Variants in KANSL3 observed in about 807,000 individuals in gnomAD.
KANSL3 encodes NSL complex protein NSL3.
KANSL3 carries 16 observed loss-of-function variants against 89.2 expected under a neutral mutation model. The observed-to-expected ratio is 0.18, with a 90% CI of 0.12 to 0.27. KANSL3 has a LOEUF of 0.27. Among genes scored for constraint, KANSL3 ranks in the 10% least tolerant of loss-of-function variants. The probability of loss-of-function intolerance (pLI) is 1.00; values close to 1 mark genes in which losing one functional copy is unlikely to be tolerated. For synonymous variants in KANSL3, 385 were observed against 419.7 expected (o/e 0.92, Z 1.01); for missense variants, 879 against 1,110.6 (o/e 0.79, Z 2.96).
At chr2:96,586,726 A>G in the KANSL3 span, among the ~76,000 whole-genome samples, 2 of 152,310 alleles carry the variant, frequency 1.3e-5, no homozygotes, top group Admixed American at 1.3e-4. Context: ...GCCTGGCCTT[A>G]AGCAATCTTC....
At chr2:96,636,809 T>C (rs1003557788) in intron 2 of KANSL3, 112 bp downstream of exon 2, 2 of 902,328 alleles carry the variant, frequency 2.2e-6, no homozygotes, top group Non-Finnish European at 1.6e-6. Flanking sequence ...GAATTTAACA[T>C]CCAAATGCCT....
At chr2:96,609,101 C>A in intron 12 of KANSL3, 37 bp from the exon 13 acceptor site, 1 of 1,522,302 alleles carries the variant, frequency 6.6e-7, no homozygotes, top group Non-Finnish European at 8.9e-7. Context: ...CCTTTTAGTC[C>A]TCATCTGGAG....
chr2:96,632,330 G>A (rs535724197), intron 2 of KANSL3, among the ~76,000 whole-genome samples: 1 of 152,162 alleles, frequency 6.6e-6, no homozygotes, highest in South Asian at 2.1e-4. Context: ...AGCCAGGCAT[G>A]GTGGTATGCG....
At chr2:96,597,072 G>GT (rs1294854581) in intron 20 of KANSL3, among the ~76,000 whole-genome samples, 1 of 152,208 alleles carries the variant, frequency 6.6e-6, no homozygotes, top group African/African-American at 2.4e-5. Flanking sequence ...GAGAAGTCTA[G>GT]TTGGTGTTCA....
At chr2:96,599,638 A>T (rs1181733967) in intron 20 of KANSL3, 1 of 299,144 alleles carries the variant, frequency 3.3e-6, no homozygotes, top group African/African-American at 2.3e-5. Flanking sequence ...AGAAAGAAAA[A>T]AAAATATGAG....
chr2:96,631,223 AT>A, intron 3 of KANSL3, 88 bp downstream of exon 3: 1 of 944,302 alleles, frequency 1.1e-6, no homozygotes, highest in Non-Finnish European at 1.7e-6. Flanking sequence ...GTTGCTGCAA[AT>A]GAAATAAGGT....
the KANSL3 span, among the ~76,000 whole-genome samples, chr2:96,586,086 G>A: frequency 3.3e-5 from 5 of 152,012 alleles, no homozygotes; most frequent in South Asian, 2.1e-4. Flanking sequence ...TTAGCTGGGC[G>A]TGGTGGCGGG....
Position 96,594,560 on chromosome 2 carries a change from T to A in KANSL3, c.*1051A>T, listed in dbSNP as rs1312711932. The A allele has an allele frequency of 6.6e-6, 1 of 152,208 alleles. No homozygotes were observed. Among genetic ancestry groups the A allele is most frequent in the Non-Finnish European group, 1.5e-5 (1 of 68,056 alleles). The allele number at this position is 152,208 out of a possible 1,614,324, so 9.4% of individuals were successfully genotyped here. On this transcript the variant is annotated 3_prime_UTR_variant, in exon 21 of 21. Transcript: ENST00000431828. ...AAATAGAAACGAAAACACTGAAGCA[T>A]GGCCTTCATCGTCCTAATGCCACAA...
rs2070902430 is a variant in KANSL3, at chr2:96,619,801, G to C, written c.387-39C>G. On this transcript the variant is annotated intron_variant, in intron 3 of 20. Coordinates refer to ENST00000431828, the MANE Select transcript of KANSL3 (RefSeq NM_001115016.3). Reference sequence around the variant, plus strand: ...TCTGAGGAATTATAGTCAAACCCTGGGGACGCTCCCCATGTATGTACACCA... The same window carrying C: ...TCTGAGGAATTATAGTCAAACCCTGCGGACGCTCCCCATGTATGTACACCA... 2.0e-6 allele frequency: 3 copies of C among 1,464,456 alleles called. No homozygotes were observed. In the South Asian group the frequency reaches 3.7e-5, roughly 18 times the overall value. The allele number at this position is 1,464,456 out of a possible 1,614,324, so 90.7% of individuals were successfully genotyped here.
intron 9 of KANSL3, among the ~76,000 whole-genome samples, chr2:96,611,933 G>GTGTGTGTGTGTA (rs2069074134): frequency 6.6e-6 from 1 of 150,754 alleles, no homozygotes; most frequent in Non-Finnish European, 1.5e-5. Context: ...GTGTGTGTGT[G>GTGTGTGTGTGTA]TGTGTATGTG....
chr2:96,630,711 G>T (rs532257430), intron 3 of KANSL3, among the ~76,000 whole-genome samples: 3 of 152,246 alleles, frequency 2.0e-5, no homozygotes, highest in Admixed American at 1.3e-4. Context: ...ATGTAATTAG[G>T]TAAATGTTTA....
rs568834570 is a variant in KANSL3, at chr2:96,637,721, GAAAC to G, written c.-50-540_-50-537del. On this transcript the variant is annotated intron_variant, in intron 1 of 20. Coordinates refer to ENST00000431828, the MANE Select transcript of KANSL3 (RefSeq NM_001115016.3). ...CTTCTTCAAGCCTCTCGTATTGTGC[GAAAC>G]AAAAGTTCTGTTAAGTACTTCGTAA... 2.2e-3 allele frequency among the ~76,000 whole-genome samples: 335 copies of G among 152,310 alleles called. 3 individuals carry two copies. The highest frequency in any genetic ancestry group is 7.8e-3 in the African/African-American group (324 of 41,572).
intron 2 of KANSL3, chr2:96,634,038 A>G (rs1478853379): frequency 6.6e-6 from 1 of 152,152 alleles, no homozygotes; most frequent in African/African-American, 2.4e-5. Context: ...AATTCATACA[A>G]ACTTTCCCTT....
chr2:96,628,074 C>G (rs2072722780), intron 3 of KANSL3: 2 of 1,290,180 alleles, frequency 1.6e-6, no homozygotes, highest in Non-Finnish European at 2.0e-6. Context: ...GGGTGGTGGT[C>G]CACAAGGAGA....
At chr2:96,635,793 A>C (rs958404419) in intron 2 of KANSL3, among the ~76,000 whole-genome samples, 9 of 152,320 alleles carry the variant, frequency 5.9e-5, no homozygotes, top group Non-Finnish European at 1.3e-4. Context: ...GTTCGAGACC[A>C]GCCTGGCTAA....
At chr2:96,622,281 G>A (rs1341063830) in intron 3 of KANSL3, among the ~76,000 whole-genome samples, 2 of 152,160 alleles carry the variant, frequency 1.3e-5, no homozygotes, top group Non-Finnish European at 2.9e-5. Flanking sequence ...AATTAGCCAG[G>A]CATAGTGGCA....
Position 96,619,486 on chromosome 2 carries a change from C to T in KANSL3, c.536G>A (p.Arg179Gln), listed in dbSNP as rs746915485. Reference protein sequence around the residue: ...VAVDKCARRVRQALASVSWDT... With the variant: ...VAVDKCARRVQQALASVSWDT... ...CCAGCTCACACTTGCCAGAGCCTGCCGCACTCTCCTTGCACACTTGTCCAC... is the reference window on the plus strand; with the variant it reads ...CCAGCTCACACTTGCCAGAGCCTGCTGCACTCTCCTTGCACACTTGTCCAC... Residue 179 changes from arginine to glutamine, a missense_variant, in exon 5 of 21, where the codon CGG (arginine) becomes CAG (glutamine). Coordinates refer to ENST00000431828, the MANE Select transcript of KANSL3 (RefSeq NM_001115016.3). 4.3e-6 allele frequency: 7 copies of T among 1,613,932 alleles called. No individual in the cohort carries two copies. The highest frequency in any genetic ancestry group is 1.1e-5 in the South Asian group (1 of 91,086).
chr2:96,602,989 CAG>C, intron 17 of KANSL3, 127 bp from the exon 18 acceptor site: 2 of 765,208 alleles, frequency 2.6e-6, no homozygotes, highest in Non-Finnish European at 4.3e-6. Flanking sequence ...CACCCGTCCT[CAG>C]AGAGAAGGCA....
downstream of KANSL3, among the ~76,000 whole-genome samples, chr2:96,589,609 T>G (rs1286912665): frequency 6.6e-6 from 1 of 152,150 alleles, no homozygotes; most frequent in Non-Finnish European, 1.5e-5. Context: ...AGTTGGAAAT[T>G]TCAACACCAC....
Sources: allele counts gnomAD v4.1 joint callset (sites outside exome capture counted in the v4.1 genomes callset), GRCh38; gene constraint gnomAD v4.1.1; transcripts MANE v1.5; gene names NCBI Gene and HGNC (gene_info 2026-07-23, HGNC 2026-07-21).